PCDHGA8: variants seen among roughly 807,000 people sequenced by gnomAD.
PCDHGA8 encodes protocadherin gamma-A8.
PCDHGA8 carries 45 observed loss-of-function variants against 59.2 expected under a neutral mutation model. The ratio of observed to expected loss-of-function variants is 0.76; its 90% CI spans 0.60 to 0.98. PCDHGA8 has a LOEUF of 0.98. Among genes scored for constraint, PCDHGA8 ranks in the 50% least tolerant of loss-of-function variants. The pLI, the probability that PCDHGA8 is intolerant of heterozygous loss-of-function variation, is 0.00. For synonymous variants in PCDHGA8, 531 were observed against 519.0 expected, an observed-to-expected ratio of 1.02 and a Z score of -0.32; for missense variants, 1,257 against 1,196.2, an observed-to-expected ratio of 1.05 and a Z score of -0.75.
chr5:141,423,680 C>T (rs2096766182), intron 1 of PCDHGA8: 1 of 1,479,088 alleles, frequency 6.8e-7, no homozygotes, highest in African/African-American at 1.5e-5. Context: ...ATTTCTCTGC[C>T]TCCTAATTGT....
chr5:141,430,773 G>A (rs375524585), intron 1 of PCDHGA8: 2 of 1,507,932 alleles, frequency 1.3e-6, no homozygotes, highest in Non-Finnish European at 1.8e-6. Flanking sequence ...ATTCCTGCGC[G>A]ACTGCACCGG....
Position 141,432,757 on chromosome 5 carries a change from C to T in PCDHGA8, c.2424+37520C>T. On this transcript the variant is annotated intron_variant, in intron 1 of 3. Coordinates refer to ENST00000398604, the MANE Select transcript of PCDHGA8 (RefSeq NM_032088.2). This position sits in a 1 kb window ranked among gnomAD's most constrained non-coding sequence, Gnocchi z 6.0. ...TCACGCTCACCGTGGCCGTGGCCGA[C>T]AGCATCCCCCAAGTCCTGGCGGACC... is the stretch of plus-strand genomic sequence containing the variant. 1.2e-6 allele frequency: 2 copies of T among 1,614,150 alleles called. No individual in the cohort carries two copies. Among genetic ancestry groups the T allele is most frequent in the African/African-American group, 1.3e-5 (1 of 75,076 alleles).
Position 141,394,861 on chromosome 5 carries a change from A to G in PCDHGA8, c.2048A>G (p.Asp683Gly). The change falls in exon 1 of 4, where the codon GAC becomes GGC. Residue 683 changes from aspartate (D) to glycine (G), a missense_variant. Asp to Gly is a moderately conservative substitution (Grantham distance 94, BLOSUM62 -1). Coordinates refer to ENST00000398604, the MANE Select transcript of PCDHGA8 (RefSeq NM_032088.2). ...TTGGGCAGTCTGAAGCCTTCGGTCG[A>G]CCCGAACGATTCGAGCCTTACACTC... ...TELGSLKPSV[D>G]PNDSSLTLYL... is the part of the protein sequence containing the mutation. 6.2e-7 allele frequency: 1 copy of G among 1,613,390 alleles called. No homozygotes were observed.
intron 1 of PCDHGA8, chr5:141,413,424 G>T: frequency 6.2e-7 from 1 of 1,614,086 alleles, no homozygotes; most frequent in Non-Finnish European, 8.5e-7. Flanking sequence ...CTCTGAACCC[G>T]CGCAGCGGCA....
In PCDHGA8 at chr5:141,476,288, C is replaced by A. The variant is rs1446743849; in HGVS notation, c.2425-18519C>A. 3.1e-6 allele frequency: 5 copies of A among 1,613,980 alleles called. No homozygotes were observed. The highest frequency in any genetic ancestry group is 3.4e-6 in the Non-Finnish European group (4 of 1,180,026). ...CGTGGTCGCGAACCTTGGTTTGGAT[C>A]TCGGTAGCCTCTCAGCCCGCAGGTT... On this transcript the variant is annotated intron_variant, in intron 1 of 3. Coordinates refer to ENST00000398604, the MANE Select transcript of PCDHGA8 (RefSeq NM_032088.2). This position sits in a 1 kb window ranked among gnomAD's most constrained non-coding sequence, Gnocchi z 7.6.
At position 141,511,076 on chromosome 5, in the gene PCDHGA8, A is replaced by G. The variant is rs201009079; in HGVS notation, c.2702A>G (p.Asn901Ser). 19 of 1,614,218 alleles carry G rather than the reference A, an allele frequency of 1.2e-5. No individual in the cohort carries two copies. In the East Asian group the frequency reaches 3.6e-4, roughly 30 times the overall value. ...CAGAATGTCTACATCCCAGGCAGCA[A>G]TGCCACACTGACCAACGCAGCTGGC... ...YRQNVYIPGS[N>S]ATLTNAAGKR... Residue 901 changes from asparagine (N) to serine (S), a missense_variant, in exon 4 of 4, where the codon AAT (asparagine) becomes AGT (serine). Coordinates refer to ENST00000398604, the MANE Select transcript of PCDHGA8 (RefSeq NM_032088.2).
chr5:141,483,589 G>A (rs189449393), intron 1 of PCDHGA8, among the ~76,000 whole-genome samples: 17 of 152,214 alleles, frequency 1.1e-4, no homozygotes, highest in Admixed American at 1.1e-3. Context: ...ACACCTAATA[G>A]GTCAGGCTGG....
chr5:141,410,796 G>T, intron 1 of PCDHGA8: 19 of 640,732 alleles, frequency 3.0e-5, no homozygotes, highest in South Asian at 1.4e-4. Flanking sequence ...TTCATAAGTT[G>T]CTCTATCTTT....
Position 141,393,951 on chromosome 5 carries a change from G to A in PCDHGA8, c.1138G>A (p.Gly380Ser), listed in dbSNP as rs778713382. The A allele has an allele frequency of 6.4e-5, 104 of 1,613,726 alleles. No homozygotes were observed. The highest frequency in any genetic ancestry group is 1.6e-4 in the Middle Eastern group (1 of 6,084). ...GCATGACCAAGACTCTGGAAAGAAT[G>A]GTCAAGTTGTCTGTTACACACGTGA... ...SVHDQDSGKN[G>S]QVVCYTRDNL... Residue 380 changes from glycine (G) to serine (S), a missense_variant, in exon 1 of 4, where the codon GGT becomes AGT. Transcript: ENST00000398604.
chr5:141,399,370 A>C (rs1466560972), intron 1 of PCDHGA8: 2 of 1,614,004 alleles, frequency 1.2e-6, no homozygotes, highest in Non-Finnish European at 1.7e-6. Context: ...CCCGGAGTAC[A>C]ATGTCACCAT....
rs776348214 is a variant in PCDHGA8 at position 141,487,781 on chromosome 5, G to A, written c.2425-7026G>A. 108 of 1,526,850 alleles carry A rather than the reference G, an allele frequency of 7.1e-5. No individual in the cohort carries two copies. Among genetic ancestry groups the A allele is most frequent in the East Asian group, 3.7e-4 (15 of 40,622 alleles). 94.6% of individuals were successfully genotyped at this position (1,526,850 alleles called of 1,614,324 possible). On this transcript the variant is annotated intron_variant, in intron 1 of 3. Coordinates refer to ENST00000398604, the MANE Select transcript of PCDHGA8 (RefSeq NM_032088.2). This position sits in a 1 kb window ranked among gnomAD's most constrained non-coding sequence, Gnocchi z 5.0. ...AGACGCTGTGCTTTGTAACTGTTTC[G>A]TGAATTAACCAGAGTTGTCACAGTT... is the stretch of plus-strand genomic sequence containing the variant.
At chr5:141,506,563 C>T (rs925780739) in intron 3 of PCDHGA8, among the ~76,000 whole-genome samples, 2 of 152,062 alleles carry the variant, frequency 1.3e-5, no homozygotes, top group Non-Finnish European at 2.9e-5. Context: ...TAAACCCCCT[C>T]GGTTTCACTT....
At chr5:141,399,642 G>A (rs755191053) in intron 1 of PCDHGA8, 154 of 1,613,630 alleles carry the variant, frequency 9.5e-5, no homozygotes, top group East Asian at 4.2e-4. Context: ...CCATGAGCGC[G>A]CAAAGTGGGG....
At chr5:141,401,485 G>A (rs2094160307) in intron 1 of PCDHGA8, among the ~76,000 whole-genome samples, 2 of 152,152 alleles carry the variant, frequency 1.3e-5, no homozygotes, top group Admixed American at 6.5e-5. Context: ...AGGTTTTCTT[G>A]GATGCAAAAT....
chr5:141,407,616 C>T (rs752226894), intron 1 of PCDHGA8, among the ~76,000 whole-genome samples: 3 of 151,970 alleles, frequency 2.0e-5, no homozygotes, highest in Non-Finnish European at 4.4e-5. Flanking sequence ...CATTGGTTGA[C>T]ATTCTATATC....
chr5:141,405,141 A>T (rs749502643), intron 1 of PCDHGA8: 4 of 1,613,862 alleles, frequency 2.5e-6, no homozygotes, highest in African/African-American at 1.3e-5. Flanking sequence ...GCTACCAGTG[A>T]TGGGTTGGCT....
intron 1 of PCDHGA8, among the ~76,000 whole-genome samples, chr5:141,437,922 G>A (rs1039507511): frequency 1.3e-5 from 2 of 152,106 alleles, no homozygotes; most frequent in Admixed American, 6.5e-5. Context: ...ATTTTTAGTA[G>A]AGATGGGGTT....
chr5:141,489,999 G>C lies in PCDHGA8; in HGVS notation c.2425-4808G>C, dbSNP rs772783990. Reference sequence around the variant, plus strand: ...CAGTTCTACGTGTGGGAATCCCAGAGAATGCACCCATTGGTACTCTGCTGC... The same window carrying C: ...CAGTTCTACGTGTGGGAATCCCAGACAATGCACCCATTGGTACTCTGCTGC... On this transcript the variant is annotated intron_variant, in intron 1 of 3. Coordinates refer to ENST00000398604, the MANE Select transcript of PCDHGA8 (RefSeq NM_032088.2). This position sits in a 1 kb window ranked among gnomAD's most constrained non-coding sequence, Gnocchi z 4.5. 6.2e-7 allele frequency: 1 copy of C among 1,614,242 alleles called. No individual in the cohort carries two copies. Among genetic ancestry groups the C allele is most frequent in the East Asian group, 2.2e-5 (1 of 44,886 alleles).
chr5:141,505,078 C>G (rs535590642), intron 2 of PCDHGA8, among the ~76,000 whole-genome samples: 81 of 152,298 alleles, frequency 5.3e-4, no homozygotes, highest in African/African-American at 2.0e-3. Flanking sequence ...AGGAGAATCG[C>G]TTGAACCCAG....
Sources: allele counts gnomAD v4.1 joint callset (sites outside exome capture counted in the v4.1 genomes callset), GRCh38; gene constraint gnomAD v4.1.1; non-coding constraint Gnocchi (gnomAD v3.1); transcripts MANE v1.5; gene names NCBI Gene and HGNC (gene_info 2026-07-23, HGNC 2026-07-21).